Variants in CNTNAP2 observed in about 807,000 individuals in gnomAD.
The protein encoded by CNTNAP2 is contactin-associated protein-like 2.
CNTNAP2 carries 98 observed loss-of-function variants against 155.2 expected under a neutral mutation model. The observed-to-expected ratio is 0.63, with a 90% CI of 0.54 to 0.75. CNTNAP2 has a LOEUF of 0.75. Ranked by LOEUF, CNTNAP2 falls within the 30% of genes least tolerant of loss-of-function variation. The probability of loss-of-function intolerance (pLI) is 0.00; values close to 1 mark genes in which losing one functional copy is unlikely to be tolerated. For missense variants in CNTNAP2, 1,727 were observed against 1,688.1 expected (o/e 1.02, Z -0.40); for synonymous variants, 651 against 631.2 (o/e 1.03, Z -0.47).
intron 10 of CNTNAP2, among the ~76,000 whole-genome samples, chr7:147,408,420 T>C (rs1266365256): frequency 1.3e-5 from 2 of 152,088 alleles, no homozygotes. Context: ...TGGCAGCTAC[T>C]AGTGAGGGAA....
At chr7:146,804,646 A>G (rs1802936115) in intron 2 of CNTNAP2, among the ~76,000 whole-genome samples, 1 of 152,212 alleles carries the variant, frequency 6.6e-6, no homozygotes, top group Non-Finnish European at 1.5e-5. Context: ...ATCACTTGGT[A>G]TTAATTCTCC....
intron 11 of CNTNAP2, among the ~76,000 whole-genome samples, chr7:147,499,268 C>T (rs2116664279): frequency 6.6e-6 from 1 of 152,166 alleles, no homozygotes; most frequent in South Asian, 2.1e-4. Context: ...GTGGCTCTCG[C>T]CTGTAATCCC....
chr7:148,367,684 A>C lies in CNTNAP2; in HGVS notation c.3476-15965A>C, dbSNP rs547628807. The stretch of plus-strand genomic sequence containing the variant: ...TTTCTAGGCAGATTCATTTCCCCCA[A>C]GATGCCTAAGAGTCATGATAACATA... On this transcript the variant is annotated intron_variant, in intron 21 of 23. Coordinates refer to ENST00000361727, the MANE Select transcript of CNTNAP2 (RefSeq NM_014141.6). Among the ~76,000 whole-genome samples, 5 of 152,344 alleles carry C rather than the reference A, an allele frequency of 3.3e-5. No individual in the cohort carries two copies. In the South Asian group the frequency reaches 1.0e-3, roughly 32 times the overall value.
chr7:146,660,090 G>A (rs989540466), intron 1 of CNTNAP2, among the ~76,000 whole-genome samples: 6 of 152,192 alleles, frequency 3.9e-5, no homozygotes, highest in African/African-American at 1.2e-4. Context: ...TAATAAAGAG[G>A]ATGCCTTTCT....
chr7:146,745,370 C>CA, intron 1 of CNTNAP2, among the ~76,000 whole-genome samples: 1 of 152,036 alleles, frequency 6.6e-6, no homozygotes. Flanking sequence ...GAAAAGAAGT[C>CA]TAAGGCAAAG....
intron 1 of CNTNAP2, among the ~76,000 whole-genome samples, chr7:146,579,347 C>A (rs749318416): frequency 6.6e-6 from 1 of 151,930 alleles, no homozygotes; most frequent in Non-Finnish European, 1.5e-5. Context: ...AAGCAAACAG[C>A]CATTAGAAAT....
At chr7:146,723,698 T>G (rs1224687548) in intron 1 of CNTNAP2, among the ~76,000 whole-genome samples, 1 of 152,206 alleles carries the variant, frequency 6.6e-6, no homozygotes, top group Non-Finnish European at 1.5e-5. Flanking sequence ...AGTAGTTTTC[T>G]TATATTTACT....
chr7:147,037,143 A>C (rs1799165326), intron 3 of CNTNAP2, among the ~76,000 whole-genome samples: 1 of 152,112 alleles, frequency 6.6e-6, no homozygotes, highest in Admixed American at 6.5e-5. Context: ...TTTTGTAAAA[A>C]TTTGTAGAAA....
intron 16 of CNTNAP2, among the ~76,000 whole-genome samples, chr7:148,128,060 G>A (rs1019611748): frequency 2.0e-5 from 3 of 152,006 alleles, no homozygotes; most frequent in African/African-American, 7.3e-5. Flanking sequence ...TGTGGAGACG[G>A]GGTTTCGCCA....
At chr7:147,748,219 A>G (rs1048955335) in intron 13 of CNTNAP2, among the ~76,000 whole-genome samples, 4 of 152,216 alleles carry the variant, frequency 2.6e-5, no homozygotes, top group African/African-American at 9.6e-5. Flanking sequence ...AGAAAGATTC[A>G]TGGGTTAAGT....
chr7:146,402,491 C>T (rs1020522124), intron 1 of CNTNAP2, among the ~76,000 whole-genome samples: 2 of 152,070 alleles, frequency 1.3e-5, no homozygotes, highest in African/African-American at 4.8e-5. Flanking sequence ...ATAAGGATAG[C>T]TTAATCATGC....
intron 11 of CNTNAP2, among the ~76,000 whole-genome samples, chr7:147,557,166 A>G (rs1291840724): frequency 6.6e-6 from 1 of 152,076 alleles, no homozygotes; most frequent in Non-Finnish European, 1.5e-5. Context: ...TGGGAAGCTA[A>G]CGCAAGAGGA....
rs541097826 is a variant in CNTNAP2 at position 146,136,347 on chromosome 7, A to T, written c.97+19374A>T. Among the ~76,000 whole-genome samples, 3 of 152,284 alleles carry T rather than the reference A, an allele frequency of 2.0e-5. No individual in the cohort carries two copies. In the South Asian group the frequency reaches 6.2e-4, roughly 32 times the overall value. On this transcript the variant is annotated intron_variant, in intron 1 of 23. Transcript: ENST00000361727. ...AGGGTGATTTTTCAGTTTAGAAAAG[A>T]CAACTAAGGGTCAGTCTTTTCTATG...
At chr7:148,277,589 GC>G (rs71188957) in intron 21 of CNTNAP2, among the ~76,000 whole-genome samples, 1 of 143,036 alleles carries the variant, frequency 7.0e-6, no homozygotes, top group Admixed American at 7.1e-5. Flanking sequence ...GTACAGGACC[GC>G]CCCCCACCAC....
chr7:146,676,213 G>A (rs1233580148), intron 1 of CNTNAP2, among the ~76,000 whole-genome samples: 1 of 151,936 alleles, frequency 6.6e-6, no homozygotes, highest in Non-Finnish European at 1.5e-5. Flanking sequence ...TGATTTAATT[G>A]TAATTATCAA....
chr7:147,920,605 T>C (rs1431019895), intron 14 of CNTNAP2, among the ~76,000 whole-genome samples: 4 of 152,068 alleles, frequency 2.6e-5, no homozygotes, highest in Admixed American at 1.3e-4. Flanking sequence ...TCAGAAACAT[T>C]CATTTATACA....
rs1562981280 is a variant in CNTNAP2, at chr7:147,527,015, C to CTTTTCT, written c.1778-35119_1778-35118insCTTTTT. ...CATGAATTATGGAAGACAGGCATTT[C>CTTTTCT]TTTTTTTTTTTTTTTTTTTTTTTTT... On this transcript the variant is annotated intron_variant, in intron 11 of 23. Transcript: ENST00000361727. Among the ~76,000 whole-genome samples, 71 of 65,150 alleles carry CTTTTCT rather than the reference C, an allele frequency of 1.1e-3. 3 individuals carry two copies. Among genetic ancestry groups the CTTTTCT allele is most frequent in the African/African-American group, 4.5e-3 (58 of 12,758 alleles). The allele number at this position is 65,150 out of a possible 152,430, so 42.7% of individuals were successfully genotyped here.
chr7:146,762,039 C>G (rs73740843), intron 1 of CNTNAP2, among the ~76,000 whole-genome samples: 1 of 152,068 alleles, frequency 6.6e-6, no homozygotes, highest in African/African-American at 2.4e-5. Context: ...TAGATCCTTA[C>G]ATTGTTTAAG....
intron 12 of CNTNAP2, among the ~76,000 whole-genome samples, chr7:147,636,741 A>C (rs747190148): frequency 5.3e-5 from 8 of 152,186 alleles, no homozygotes; most frequent in African/African-American, 1.9e-4. Context: ...AAGCCCTACT[A>C]TGTGCCAATT....
Sources: allele counts gnomAD v4.1 joint callset (sites outside exome capture counted in the v4.1 genomes callset), GRCh38; gene constraint gnomAD v4.1.1; transcripts MANE v1.5; gene names NCBI Gene and HGNC (gene_info 2026-07-23, HGNC 2026-07-21).